CSNK2A2: variants seen among roughly 807,000 people sequenced by gnomAD.
The protein encoded by CSNK2A2 is casein kinase II subunit alpha'.
In CSNK2A2, 8 loss-of-function variants were observed where a neutral mutation model predicts 54.0. The ratio of observed to expected loss-of-function variants is 0.15; its 90% CI spans 0.09 to 0.27. The LOEUF is 0.27. CSNK2A2 is among the 10% of genes least tolerant of loss of function. The pLI, the probability that CSNK2A2 is intolerant of heterozygous loss-of-function variation, is 1.00. For synonymous variants in CSNK2A2, 141 were observed against 153.9 expected, an observed-to-expected ratio of 0.92 and a Z score of 0.62; for missense variants, 242 against 439.4, an observed-to-expected ratio of 0.55 and a Z score of 4.02.
intron 4 of CSNK2A2, among the ~76,000 whole-genome samples, chr16:58,183,391 A>C (rs1244827562): frequency 6.6e-6 from 1 of 151,798 alleles, no homozygotes; most frequent in Non-Finnish European, 1.5e-5. Context: ...AAAAAAAAAA[A>C]AGTGTGAGAA....
chr16:58,192,888 A>C (rs1404798068), intron 2 of CSNK2A2: 1 of 152,258 alleles, frequency 6.6e-6, no homozygotes, highest in African/African-American at 2.4e-5. Flanking sequence ...TTGATTTGTA[A>C]AAAGGGCCTG....
chr16:58,184,562 T>C (rs1962142563), intron 3 of CSNK2A2, among the ~76,000 whole-genome samples: 1 of 152,258 alleles, frequency 6.6e-6, no homozygotes, highest in Non-Finnish European at 1.5e-5. Flanking sequence ...GCTGATTAAC[T>C]GCTAAAGTTG....
chr16:58,164,493 A>G (rs1961504226), intron 10 of CSNK2A2, among the ~76,000 whole-genome samples: 1 of 152,210 alleles, frequency 6.6e-6, no homozygotes, highest in Admixed American at 6.5e-5. Flanking sequence ...AGCATGTAGA[A>G]TAACAAGCAC....
chr16:58,196,586 G>A lies in CSNK2A2; in HGVS notation c.216+147C>T, dbSNP rs547649216. The A allele has an allele frequency of 3.9e-5, 25 of 643,234 alleles. No homozygotes were observed. In the African/African-American group the frequency reaches 4.0e-4, roughly 10 times the overall value. 39.8% of individuals were successfully genotyped at this position (643,234 alleles called of 1,614,324 possible). A position where few individuals can be genotyped will look rare whatever the true frequency, so the allele number is the denominator to read the frequency against. On this transcript the variant is annotated intron_variant, in intron 2 of 11. Transcript: ENST00000262506. ...TGAACTATGATCTGCACTCCAGCCT[G>A]GGTGACAGAGTGAGACTCTGACTCT...
chr16:58,189,545 TCAG>T (rs1423830961), intron 2 of CSNK2A2, among the ~76,000 whole-genome samples: 1 of 152,138 alleles, frequency 6.6e-6, no homozygotes. Flanking sequence ...CAGCAACAGG[TCAG>T]GCCTGGACAA....
chr16:58,176,832 TCA>T (rs1393542006), intron 4 of CSNK2A2, among the ~76,000 whole-genome samples: 2 of 152,186 alleles, frequency 1.3e-5, no homozygotes, highest in African/African-American at 4.8e-5. Context: ...TTAACATTCC[TCA>T]CACAGGGACT....
In CSNK2A2 at chr16:58,198,001, C is replaced by G. The variant is rs971961646; in HGVS notation, c.-265G>C. 8 of 144,342 alleles carry G rather than the reference C, an allele frequency of 5.5e-5. No homozygotes were observed. The highest frequency in any genetic ancestry group is 2.7e-4 in the Admixed American group (4 of 14,610). 8.9% of individuals were successfully genotyped at this position (144,342 alleles called of 1,614,324 possible). A position where few individuals can be genotyped will look rare whatever the true frequency, so the allele number is the denominator to read the frequency against. ...CGGCGCTCGCGCTCCGCGGCGGTCT[C>G]CGCTCGGCTCGCGGCCCCCAGGAGG... On this transcript the variant is annotated 5_prime_UTR_variant, in exon 1 of 12. Transcript: ENST00000262506.
chr16:58,174,440 A>C lies in CSNK2A2; in HGVS notation c.429+11T>G. On this transcript the variant is annotated intron_variant, in intron 5 of 11. Coordinates refer to ENST00000262506, the MANE Select transcript of CSNK2A2 (RefSeq NM_001896.4). ...CCTGAAAAAAATTAATGGTTTATGA[A>C]CACCACTTACTTTAAGTAGTTCATA... The C allele has an allele frequency of 1.3e-6, 2 of 1,594,646 alleles. No homozygotes were observed. The highest frequency in any genetic ancestry group is 8.6e-7 in the Non-Finnish European group (1 of 1,167,994).
intron 2 of CSNK2A2, among the ~76,000 whole-genome samples, chr16:58,191,019 T>C (rs1295512774): frequency 2.0e-5 from 3 of 152,200 alleles, no homozygotes; most frequent in African/African-American, 7.2e-5. Flanking sequence ...GGTATATACA[T>C]ACAATGGAAA....
rs766114660 is a variant in CSNK2A2, at chr16:58,196,722, A to G, written c.216+11T>C. 8.9e-6 allele frequency: 14 copies of G among 1,567,380 alleles called. No individual in the cohort carries two copies. In the South Asian group the frequency reaches 1.6e-4, roughly 17 times the overall value. On this transcript the variant is annotated intron_variant, in intron 2 of 11. Transcript: ENST00000262506. ...GAGGAAAATGTTACATACCACTCAT[A>G]GGACACTCACCTTCAGGATTTTTAC...
intron 4 of CSNK2A2, among the ~76,000 whole-genome samples, chr16:58,182,465 GAATT>G (rs1962075075): frequency 7.0e-6 from 1 of 143,148 alleles, no homozygotes; most frequent in African/African-American, 2.6e-5. Flanking sequence ...TGAAGCAGGA[GAATT>G]GATTGAACCT....
At chr16:58,195,512 C>T (rs779967203) in intron 2 of CSNK2A2, among the ~76,000 whole-genome samples, 1 of 152,168 alleles carries the variant, frequency 6.6e-6, no homozygotes, top group Non-Finnish European at 1.5e-5. Context: ...GTCCACAGAA[C>T]CTCTGCAAAA....
intron 6 of CSNK2A2, among the ~76,000 whole-genome samples, chr16:58,168,325 T>A (rs781557653): frequency 7.2e-5 from 11 of 152,134 alleles, no homozygotes; most frequent in Non-Finnish European, 1.5e-4. Context: ...CATCAAGAAA[T>A]GAAGCAGAAA....
chr16:58,188,613 G>A (rs1962251637), intron 2 of CSNK2A2, among the ~76,000 whole-genome samples: 1 of 152,238 alleles, frequency 6.6e-6, no homozygotes, highest in Non-Finnish European at 1.5e-5. Context: ...ATGTGAATGA[G>A]AGCTGTAGAT....
At chr16:58,188,541 A>G (rs1424864612) in intron 2 of CSNK2A2, among the ~76,000 whole-genome samples, 3 of 152,264 alleles carry the variant, frequency 2.0e-5, no homozygotes, top group Non-Finnish European at 4.4e-5. Flanking sequence ...CTACAGCTGA[A>G]TATCATCATG....
intron 2 of CSNK2A2, among the ~76,000 whole-genome samples, chr16:58,191,614 C>T (rs984466300): frequency 1.3e-5 from 2 of 152,126 alleles, no homozygotes; most frequent in Non-Finnish European, 2.9e-5. Context: ...CTGCCCACCT[C>T]GGCCTACCAA....
At chr16:58,164,524 A>C (rs1961505036) in intron 10 of CSNK2A2, among the ~76,000 whole-genome samples, 1 of 152,214 alleles carries the variant, frequency 6.6e-6, no homozygotes, top group Non-Finnish European at 1.5e-5. Flanking sequence ...AGGTGAGTAA[A>C]AAGAGCCATC....
At chr16:58,169,286 T>C (rs972159797) in intron 5 of CSNK2A2, among the ~76,000 whole-genome samples, 4 of 151,528 alleles carry the variant, frequency 2.6e-5, no homozygotes, top group African/African-American at 9.7e-5. Flanking sequence ...ATGCCTGTAA[T>C]CCTAGCACTT....
intron 5 of CSNK2A2, among the ~76,000 whole-genome samples, chr16:58,172,396 GA>G (rs1961769031): frequency 6.6e-6 from 1 of 152,164 alleles, no homozygotes; most frequent in South Asian, 2.1e-4. Flanking sequence ...CCTTGAATCT[GA>G]ATCAGGAGAT....
Sources: gnomAD v4.1 joint callset for allele counts (sites outside exome capture counted in the v4.1 genomes callset) on GRCh38, gnomAD v4.1.1 for gene constraint, MANE v1.5 for transcripts, NCBI Gene and HGNC (gene_info 2026-07-23, HGNC 2026-07-21) for gene names.